Variants in BTF3L4 observed in about 807,000 individuals in gnomAD.
The protein encoded by BTF3L4 is transcription factor BTF3 homolog 4.
BTF3L4 carries 6 observed loss-of-function variants against 16.8 expected under a neutral mutation model. That is an observed-to-expected ratio of 0.36 (90% CI 0.20 to 0.71). BTF3L4 has a LOEUF of 0.71. Ranked by LOEUF, BTF3L4 falls within the 30% of genes least tolerant of loss-of-function variation. The pLI, the probability that BTF3L4 is intolerant of heterozygous loss-of-function variation, is 0.58. For synonymous variants in BTF3L4, 39 were observed against 59.8 expected (o/e 0.65, Z 1.60); for missense variants, 92 against 186.9 (o/e 0.49, Z 2.96).
At chr1:52,058,179 G>A (rs1374008969) in intron 1 of BTF3L4, among the ~76,000 whole-genome samples, 1 of 152,154 alleles carries the variant, frequency 6.6e-6, no homozygotes, top group Non-Finnish European at 1.5e-5. Flanking sequence ...TAAGTCTATG[G>A]CAGAGCTAAG....
chr1:52,061,465 G>A (rs1355521188), intron 2 of BTF3L4, among the ~76,000 whole-genome samples: 2 of 140,748 alleles, frequency 1.4e-5, no homozygotes, highest in African/African-American at 5.4e-5. Flanking sequence ...TCCAGCCTGG[G>A]CAACAGAGCA....
At chr1:52,066,678 C>G (rs1278958707) in intron 3 of BTF3L4, among the ~76,000 whole-genome samples, 1 of 149,830 alleles carries the variant, frequency 6.7e-6, no homozygotes, top group Non-Finnish European at 1.5e-5. Context: ...CCCGTCTCTA[C>G]TAAAAATTAA....
At chr1:52,075,115 ACTC>A (rs1686897870) in intron 3 of BTF3L4, among the ~76,000 whole-genome samples, 1 of 151,896 alleles carries the variant, frequency 6.6e-6, no homozygotes, top group Non-Finnish European at 1.5e-5. Context: ...CATTAAAAAA[ACTC>A]CTTTTAATCA....
intron 3 of BTF3L4, among the ~76,000 whole-genome samples, chr1:52,068,729 A>G (rs1686713306): frequency 6.6e-6 from 1 of 152,188 alleles, no homozygotes; most frequent in African/African-American, 2.4e-5. Flanking sequence ...CCTGCCTTAT[A>G]TAGGTACTGA....
intron 1 of BTF3L4, among the ~76,000 whole-genome samples, chr1:52,058,735 G>A (rs1267939610): frequency 6.6e-6 from 1 of 152,056 alleles, no homozygotes; most frequent in Admixed American, 6.5e-5. Context: ...CTGAGTAGCT[G>A]GGATTACAGG....
intron 3 of BTF3L4, among the ~76,000 whole-genome samples, chr1:52,077,773 A>C (rs1306245437): frequency 6.6e-6 from 1 of 152,176 alleles, no homozygotes; most frequent in Non-Finnish European, 1.5e-5. Context: ...GTAGGAGGCT[A>C]CTATGACTAA....
intron 3 of BTF3L4, among the ~76,000 whole-genome samples, chr1:52,070,914 C>T (rs1454149894): frequency 1.3e-5 from 2 of 152,136 alleles, no homozygotes; most frequent in Non-Finnish European, 2.9e-5. Flanking sequence ...GGGAGGATTA[C>T]AGGTGTGAGC....
At chr1:52,063,344 C>T (rs1245503515) in intron 2 of BTF3L4, among the ~76,000 whole-genome samples, 1 of 152,134 alleles carries the variant, frequency 6.6e-6, no homozygotes, top group East Asian at 1.9e-4. Context: ...TGAACAAGCA[C>T]CAAGCAGTTG....
intron 1 of BTF3L4, among the ~76,000 whole-genome samples, chr1:52,059,054 G>T (rs2783193): frequency 0.034 from 5,127 of 152,058 alleles, 112 homozygotes; most frequent in African/African-American, 0.046. Flanking sequence ...TAAAAAGCTT[G>T]TTTTAGGAGT....
At chr1:52,073,534 G>A (rs1686852462) in intron 3 of BTF3L4, among the ~76,000 whole-genome samples, 1 of 126,492 alleles carries the variant, frequency 7.9e-6, no homozygotes. Flanking sequence ...ACACACATAT[G>A]ATTACAGCTA....
intron 2 of BTF3L4, among the ~76,000 whole-genome samples, chr1:52,061,959 T>C (rs1180727275): frequency 1.4e-5 from 2 of 146,686 alleles, no homozygotes; most frequent in Non-Finnish European, 3.0e-5. Flanking sequence ...TTTTTTAAGA[T>C]GGAATCTCTC....
At chr1:52,063,760 G>A (rs531729795) in intron 2 of BTF3L4, among the ~76,000 whole-genome samples, 3 of 152,262 alleles carry the variant, frequency 2.0e-5, no homozygotes, top group African/African-American at 7.2e-5. Flanking sequence ...AAGATTCTAA[G>A]CATCATCCAA....
intron 3 of BTF3L4, among the ~76,000 whole-genome samples, chr1:52,073,027 C>T (rs1686831994): frequency 6.6e-6 from 1 of 151,968 alleles, no homozygotes; most frequent in East Asian, 1.9e-4. Context: ...CATTGCACTC[C>T]AGCCTGAGCA....
intron 5 of BTF3L4, chr1:52,086,380 G>C: frequency 2.1e-6 from 1 of 482,852 alleles, no homozygotes; most frequent in Non-Finnish European, 3.7e-6. Context: ...TCTGCTGCCT[G>C]GATTTATTAA....
intron 3 of BTF3L4, among the ~76,000 whole-genome samples, chr1:52,072,866 C>G (rs2124430532): frequency 6.6e-6 from 1 of 152,162 alleles, no homozygotes; most frequent in South Asian, 2.1e-4. Context: ...CATAACCAGC[C>G]TGGCCAACAT....
chr1:52,064,973 G>T, intron 3 of BTF3L4, 35 bp downstream of exon 3: 5 of 1,273,824 alleles, frequency 3.9e-6, no homozygotes, highest in Non-Finnish European at 5.6e-6. Context: ...AATTGTGTGG[G>T]TACATGCACA....
chr1:52,071,078 G>T (rs550933105), intron 3 of BTF3L4: 2 of 152,330 alleles, frequency 1.3e-5, no homozygotes, highest in South Asian at 4.1e-4. Context: ...GTTGAATGTA[G>T]TGACTGTGCT....
chr1:52,064,428 C>G (rs1686594746), intron 2 of BTF3L4, among the ~76,000 whole-genome samples: 1 of 152,106 alleles, frequency 6.6e-6, no homozygotes, highest in Non-Finnish European at 1.5e-5. Flanking sequence ...CCCCAAATTT[C>G]AGAATATCTT....
Position 52,089,344 on chromosome 1 carries a change from T to C in BTF3L4, c.*2586T>C, listed in dbSNP as rs2124453743. ...ACAATGAGCCAATATTCTTTTTTGTTCTATATTTTTGTATCTTCCCCTTTC... is the reference window on the plus strand; with the variant it reads ...ACAATGAGCCAATATTCTTTTTTGTCCTATATTTTTGTATCTTCCCCTTTC... On this transcript the variant is annotated 3_prime_UTR_variant, in exon 6 of 6. Coordinates refer to ENST00000313334, the MANE Select transcript of BTF3L4 (RefSeq NM_152265.5). The C allele has an allele frequency of 6.6e-6, 1 of 152,248 alleles. No homozygotes were observed. Among genetic ancestry groups the C allele is most frequent in the Non-Finnish European group, 1.5e-5 (1 of 68,012 alleles). 9.4% of individuals were successfully genotyped at this position (152,248 alleles called of 1,614,324 possible).
Sources: gnomAD v4.1 joint callset for allele counts (sites outside exome capture counted in the v4.1 genomes callset) on GRCh38, gnomAD v4.1.1 for gene constraint, MANE v1.5 for transcripts, NCBI Gene and HGNC (gene_info 2026-07-23, HGNC 2026-07-21) for gene names.